ZNF516: variants seen among roughly 807,000 people sequenced by gnomAD.
ZNF516 encodes the protein zinc finger protein 516.
A neutral mutation model predicts 79.7 loss-of-function variants in ZNF516; 19 were observed. The ratio of observed to expected loss-of-function variants is 0.24; its 90% CI spans 0.17 to 0.35. The LOEUF (loss-of-function observed/expected upper bound fraction) is 0.35. Ranked by LOEUF, ZNF516 falls within the 10% of genes least tolerant of loss-of-function variation. The probability of loss-of-function intolerance (pLI) is 1.00; values close to 1 mark genes in which losing one functional copy is unlikely to be tolerated. For missense variants in ZNF516, 1,678 were observed against 1,679.5 expected (o/e 1.00, Z 0.02); for synonymous variants, 877 against 739.5 (o/e 1.19, Z -3.02).
At chr18:76,383,941 C>T (rs1190080751) in intron 3 of ZNF516, among the ~76,000 whole-genome samples, 1 of 152,210 alleles carries the variant, frequency 6.6e-6, no homozygotes, top group Non-Finnish European at 1.5e-5. Flanking sequence ...GTGGGCCTCG[C>T]AAAGTGCTGC....
intron 3 of ZNF516, among the ~76,000 whole-genome samples, chr18:76,399,879 C>A (rs2075195042): frequency 6.6e-6 from 1 of 152,078 alleles, no homozygotes; most frequent in Non-Finnish European, 1.5e-5. Flanking sequence ...CAGCAATAAT[C>A]ACTTAAGATT....
rs1913530350 is a variant in ZNF516, at chr18:76,467,173, G to A, written c.-271-4032C>T. ...GCTCACAGCCCTTCTGGGTTGGCAG[G>A]AAGTCCTGCGTGTCTCTCGGAACCT... is the stretch of plus-strand genomic sequence containing the variant. On this transcript the variant is annotated intron_variant, in intron 1 of 6. Coordinates refer to ENST00000443185, the MANE Select transcript of ZNF516 (RefSeq NM_014643.4). This position sits in a 1 kb window ranked among gnomAD's most constrained non-coding sequence, Gnocchi z 4.2. 8.3e-6 allele frequency among the ~76,000 whole-genome samples: 1 copy of A among 120,314 alleles called. No homozygotes were observed. Among genetic ancestry groups the A allele is most frequent in the Admixed American group, 8.1e-5 (1 of 12,296 alleles). 78.9% of individuals were successfully genotyped at this position (120,314 alleles called of 152,430 possible).
intron 3 of ZNF516, among the ~76,000 whole-genome samples, chr18:76,396,463 T>C (rs1227144302): frequency 6.6e-6 from 1 of 152,170 alleles, no homozygotes; most frequent in African/African-American, 2.4e-5. Flanking sequence ...CTTTTAATAT[T>C]TGTGAATCTG....
intron 1 of ZNF516, among the ~76,000 whole-genome samples, chr18:76,475,354 GATA>G (rs1914114406): frequency 1.3e-5 from 2 of 152,282 alleles, no homozygotes; most frequent in South Asian, 4.1e-4. Flanking sequence ...TTAAACGACT[GATA>G]ATATCAAGCA....
intron 1 of ZNF516, among the ~76,000 whole-genome samples, chr18:76,480,526 T>C (rs867571982): frequency 2.4e-5 from 2 of 83,042 alleles, no homozygotes; most frequent in Non-Finnish European, 4.9e-5. Flanking sequence ...CACACACACA[T>C]ATATTTTTTT....
At chr18:76,423,097 C>T (rs1030089455) in intron 3 of ZNF516, among the ~76,000 whole-genome samples, 9 of 152,188 alleles carry the variant, frequency 5.9e-5, no homozygotes, top group African/African-American at 2.2e-4. Context: ...AAGCACTCTG[C>T]AGCTGGCAGC....
Position 76,442,059 on chromosome 18 carries a change from G to T in ZNF516, c.996C>A (p.Ser332Arg). The T allele has an allele frequency of 6.2e-7, 1 of 1,613,996 alleles. No homozygotes were observed. The highest frequency in any genetic ancestry group is 1.1e-5 in the South Asian group (1 of 91,092). Residue 332 changes from serine to arginine, a missense_variant, in exon 3 of 7, where the codon AGC becomes AGA. Physicochemically the swap from Ser to Arg is moderately radical, Grantham distance 110. This residue lies in a region of ZNF516 where 1,294 missense variants were observed against 1,248.3 expected (regional missense o/e 1.04). Coordinates refer to ENST00000443185, the MANE Select transcript of ZNF516 (RefSeq NM_014643.4). ...VQEEVIVAGL[S>R]LYEVCAKCGN... ...CGCACTTGGCGCAGACCTCGTAGAG[G>T]CTCAGGCCGGCGACGATCACCTCCT...
chr18:76,362,423 G>A lies in ZNF516; in HGVS notation c.*75C>T, dbSNP rs1175166312. On this transcript the variant is annotated 3_prime_UTR_variant, in exon 7 of 7. Coordinates refer to ENST00000443185, the MANE Select transcript of ZNF516 (RefSeq NM_014643.4). The stretch of plus-strand genomic sequence containing the variant: ...TCCATGGAGCGGCCAGGTCACAGGT[G>A]GGAGGCTGCTGGGACATCGTGAGGG... 3.4e-6 allele frequency: 5 copies of A among 1,471,616 alleles called. No homozygotes were observed. In the African/African-American group the frequency reaches 6.9e-5, roughly 20 times the overall value. The allele number at this position is 1,471,616 out of a possible 1,614,324, so 91.2% of individuals were successfully genotyped here.
chr18:76,373,251 G>A (rs1247357810), intron 4 of ZNF516, among the ~76,000 whole-genome samples: 11 of 151,440 alleles, frequency 7.3e-5, no homozygotes, highest in South Asian at 4.2e-4. Context: ...GGAGGGGAGC[G>A]GAGGGGAGGG....
intron 3 of ZNF516, among the ~76,000 whole-genome samples, chr18:76,398,653 C>T (rs1376264540): frequency 1.3e-5 from 2 of 152,124 alleles, no homozygotes; most frequent in African/African-American, 4.8e-5. Flanking sequence ...TGGAATCTTC[C>T]AACAGGAGTC....
At chr18:76,376,281 C>T (rs1397917194) in intron 4 of ZNF516, among the ~76,000 whole-genome samples, 1 of 152,142 alleles carries the variant, frequency 6.6e-6, no homozygotes, top group Non-Finnish European at 1.5e-5. Context: ...AACAGGCTGA[C>T]CTCAGGTACT....
At chr18:76,422,629 T>C (rs571416775) in intron 3 of ZNF516, among the ~76,000 whole-genome samples, 2 of 151,858 alleles carry the variant, frequency 1.3e-5, no homozygotes, top group South Asian at 4.1e-4. Flanking sequence ...GAAGCAGACA[T>C]ACCCTAGCAC....
At chr18:76,420,591 A>T (rs911003325) in intron 3 of ZNF516, among the ~76,000 whole-genome samples, 23 of 152,304 alleles carry the variant, frequency 1.5e-4, no homozygotes, top group Admixed American at 9.8e-4. Flanking sequence ...TACTTAAAAA[A>T]ATATTCTAAG....
Position 76,379,463 on chromosome 18 carries a change from C to T in ZNF516, c.2651G>A (p.Gly884Glu), listed in dbSNP as rs530696419. Residue 884 changes from glycine (G) to glutamate (E), a missense_variant, in exon 4 of 7, where the codon GGG becomes GAG. Coordinates refer to ENST00000443185, the MANE Select transcript of ZNF516 (RefSeq NM_014643.4). The part of the protein sequence containing the change: ...PCALWAPGPD[G>E]YRQTKPCHGQ... ...GTGACAAGGTTTGGTCTGTCGATAC[C>T]CGTCAGGGCCGGGCGCCCACAGAGC... 9.9e-6 allele frequency: 16 copies of T among 1,613,578 alleles called. No individual in the cohort carries two copies. The highest frequency in any genetic ancestry group is 1.4e-5 in the Non-Finnish European group (16 of 1,179,896).
Position 76,441,547 on chromosome 18 carries a change from C to T in ZNF516, c.1508G>A (p.Arg503His), listed in dbSNP as rs944869081. 24 of 1,547,406 alleles carry T rather than the reference C, an allele frequency of 1.6e-5. No homozygotes were observed. The highest frequency in any genetic ancestry group is 2.4e-5 in the South Asian group (2 of 84,158). ...LDPRSAARPN[R>H]RAAATTGQGK... The stretch of plus-strand genomic sequence containing the variant: ...CTGGCCGGTGGTGGCTGCGGCCCTG[C>T]GGTTGGGGCGCGCGGCCGAGCGGGG... Residue 503 changes from arginine (R) to histidine (H), a missense_variant, in exon 3 of 7, where the codon CGC becomes CAC. Arg to His is a conservative substitution (Grantham distance 29, BLOSUM62 0). Around this residue, in one of 5 missense-constraint regions of ZNF516, gnomAD observed 1,294 missense variants for 1,248.3 expected, o/e 1.04. Coordinates refer to ENST00000443185, the MANE Select transcript of ZNF516 (RefSeq NM_014643.4).
Position 76,471,455 on chromosome 18 carries a change from T to C in ZNF516, c.-271-8314A>G, listed in dbSNP as rs182679070. ...ATGTGGCCTTAGATGGGTCATTCTCTTCTTTGGCCCTCGTTTTTCCCATCT... is the reference window on the plus strand; with the variant it reads ...ATGTGGCCTTAGATGGGTCATTCTCCTCTTTGGCCCTCGTTTTTCCCATCT... On this transcript the variant is annotated intron_variant, in intron 1 of 6. Coordinates refer to ENST00000443185, the MANE Select transcript of ZNF516 (RefSeq NM_014643.4). Among the ~76,000 whole-genome samples the C allele has an allele frequency of 9.4e-4, 143 of 152,268 alleles. 1 individual carries two copies. Among genetic ancestry groups the C allele is most frequent in the African/African-American group, 3.4e-3 (140 of 41,572 alleles).
intron 3 of ZNF516, among the ~76,000 whole-genome samples, chr18:76,395,400 T>C (rs1207542625): frequency 6.6e-6 from 1 of 152,146 alleles, no homozygotes; most frequent in Non-Finnish European, 1.5e-5. Flanking sequence ...ATGGGATGAA[T>C]GAGGTGAGTA....
At chr18:76,475,737 G>A (rs941299693) in intron 1 of ZNF516, among the ~76,000 whole-genome samples, 2 of 151,784 alleles carry the variant, frequency 1.3e-5, no homozygotes, top group Non-Finnish European at 2.9e-5. Context: ...AATCACTGAG[G>A]GTGTGTACAC....
rs755966393 is a variant in ZNF516 at position 76,379,357 on chromosome 18, G to A, written c.2757C>T (p.Ala919=). Residue 919 remains alanine, a synonymous_variant, in exon 4 of 7, where the codon GCC becomes GCT. Transcript: ENST00000443185. The part of the protein sequence containing the change: ...RQEASSKPVP[A]PGGGGFSRSA... ...TCCTGCTGAAGCCCCCGCCACCCGGGGCAGGCACCGGTTTGGAGCTAGCCT... is the reference window on the plus strand; with the variant it reads ...TCCTGCTGAAGCCCCCGCCACCCGGAGCAGGCACCGGTTTGGAGCTAGCCT... 1 of 1,593,754 alleles carries A rather than the reference G, an allele frequency of 6.3e-7. No homozygotes were observed. Among genetic ancestry groups the A allele is most frequent in the Non-Finnish European group, 8.5e-7 (1 of 1,169,732 alleles).
Sources: allele counts gnomAD v4.1 joint callset (sites outside exome capture counted in the v4.1 genomes callset), GRCh38; gene constraint gnomAD v4.1.1; regional missense constraint gnomAD v4.1.1; non-coding constraint Gnocchi (gnomAD v3.1); transcripts MANE v1.5; gene names NCBI Gene and HGNC (gene_info 2026-07-23, HGNC 2026-07-21).